DNAJC13: variants seen among roughly 807,000 people sequenced by gnomAD.
DNAJC13 encodes the protein dnaJ homolog subfamily C member 13.
A neutral mutation model predicts 290.5 loss-of-function variants in DNAJC13; 75 were observed. The ratio of observed to expected loss-of-function variants is 0.26; its 90% confidence interval spans 0.21 to 0.31. The LOEUF (loss-of-function observed/expected upper bound fraction) is 0.31, where lower values mean the gene tolerates loss of function less well. Among genes scored for constraint, DNAJC13 ranks in the 10% least tolerant of loss-of-function variants. The probability of loss-of-function intolerance (pLI) is 1.00; values close to 1 mark genes in which losing one functional copy is unlikely to be tolerated. For missense variants in DNAJC13, 2,260 were observed against 2,674.5 expected (o/e 0.85, Z 3.42); for synonymous variants, 862 against 892.0 (o/e 0.97, Z 0.60).
At chr3:132,449,758 C>A (rs919004030) in intron 5 of DNAJC13, among the ~76,000 whole-genome samples, 1 of 152,126 alleles carries the variant, frequency 6.6e-6, no homozygotes, top group East Asian at 1.9e-4. Flanking sequence ...TTGATTTTTA[C>A]ATTAAAAATT....
intron 13 of DNAJC13, chr3:132,458,126 A>C (rs1933675980): frequency 6.6e-6 from 1 of 150,844 alleles, no homozygotes; most frequent in Non-Finnish European, 1.5e-5. Flanking sequence ...TAGGGTAGTC[A>C]CAGGGCTAAA....
At chr3:132,457,006 A>G (rs1000513842) in intron 12 of DNAJC13, among the ~76,000 whole-genome samples, 174 bp downstream of exon 12, 10 of 152,202 alleles carry the variant, frequency 6.6e-5, no homozygotes, top group African/African-American at 1.9e-4. Flanking sequence ...GAAGCGGAAT[A>G]TTGGTCCCAT....
chr3:132,515,115 T>C (rs1219637889), intron 46 of DNAJC13, among the ~76,000 whole-genome samples: 1 of 152,194 alleles, frequency 6.6e-6, no homozygotes, highest in Admixed American at 6.5e-5. Flanking sequence ...AAAAAATATA[T>C]CAACCTTATT....
chr3:132,457,817 G>C (rs1274489492), intron 13 of DNAJC13: 1 of 154,568 alleles, frequency 6.5e-6, no homozygotes, highest in Non-Finnish European at 1.4e-5. Flanking sequence ...ATATAAAAAG[G>C]CATGTTTGGA....
chr3:132,514,768 A>T (rs528090576), intron 46 of DNAJC13, 98 bp downstream of exon 46: 15 of 829,264 alleles, frequency 1.8e-5, no homozygotes, highest in Non-Finnish European at 2.8e-5. Context: ...AATGTCATCT[A>T]TGTTTAGTTT....
At chr3:132,434,849 TAAAAG>T (rs2107650081) in intron 2 of DNAJC13, among the ~76,000 whole-genome samples, 1 of 152,310 alleles carries the variant, frequency 6.6e-6, no homozygotes, top group East Asian at 1.9e-4. Context: ...AAGTGACAGT[TAAAAG>T]GAAAGTAAAC....
At chr3:132,439,117 C>A (rs1258515303) in intron 2 of DNAJC13, among the ~76,000 whole-genome samples, 2 of 152,140 alleles carry the variant, frequency 1.3e-5, no homozygotes, top group Non-Finnish European at 2.9e-5. Context: ...ATATTGCATA[C>A]ATTAATTGTA....
At chr3:132,430,366 G>A (rs1161578585) in intron 1 of DNAJC13, among the ~76,000 whole-genome samples, 1 of 151,846 alleles carries the variant, frequency 6.6e-6, no homozygotes, top group South Asian at 2.1e-4. Context: ...GTTATTATGA[G>A]ATTATTTTGT....
At chr3:132,490,858 A>G (rs768691771) in intron 31 of DNAJC13, 39 bp from the exon 32 acceptor site, 20 of 1,458,832 alleles carry the variant, frequency 1.4e-5, no homozygotes, top group Non-Finnish European at 1.7e-5. Context: ...AGTTAACTTT[A>G]GTGTTTTTGA....
At chr3:132,510,981 C>T (rs979922228) in intron 43 of DNAJC13, 86 bp from the exon 44 acceptor site, 1 of 1,438,322 alleles carries the variant, frequency 7.0e-7, no homozygotes, top group Non-Finnish European at 9.5e-7. Context: ...GTTTTATTCA[C>T]TTTCATAGCT....
chr3:132,467,802 A>T (rs563885652), intron 20 of DNAJC13, among the ~76,000 whole-genome samples: 1 of 151,650 alleles, frequency 6.6e-6, no homozygotes, highest in East Asian at 1.9e-4. Flanking sequence ...TTTTGTATAC[A>T]TTTTCCTTAG....
chr3:132,429,735 G>A (rs1939193465), intron 1 of DNAJC13, among the ~76,000 whole-genome samples: 1 of 152,124 alleles, frequency 6.6e-6, no homozygotes, highest in Non-Finnish European at 1.5e-5. Flanking sequence ...CACTATTTCT[G>A]GGGTTGACTT....
chr3:132,446,614 G>A (rs1933250817), intron 3 of DNAJC13, 64 bp downstream of exon 3: 2 of 1,115,982 alleles, frequency 1.8e-6, no homozygotes, highest in Admixed American at 2.3e-5. Flanking sequence ...AAGCCAGGCT[G>A]TGACCATTAC....
chr3:132,444,046 T>G (rs988892231), intron 2 of DNAJC13, among the ~76,000 whole-genome samples: 1 of 152,234 alleles, frequency 6.6e-6, no homozygotes, highest in Non-Finnish European at 1.5e-5. Flanking sequence ...CCCAGGTTTT[T>G]GGCCTCTTAA....
At chr3:132,499,041 T>C in intron 36 of DNAJC13, 85 bp from the exon 37 acceptor site, 1 of 1,264,424 alleles carries the variant, frequency 7.9e-7, no homozygotes, top group South Asian at 1.5e-5. Context: ...TAAGGCAACA[T>C]ATTCTTGAAC....
At position 132,463,713 on chromosome 3, in the gene DNAJC13, T is replaced by G; in HGVS notation, c.1788T>G (p.Ile596Met). Residue 596 changes from isoleucine to methionine, a missense_variant, in exon 17 of 56, where the codon ATT becomes ATG. Ile to Met is a conservative substitution (Grantham distance 10, BLOSUM62 1). Coordinates refer to ENST00000260818, the MANE Select transcript of DNAJC13 (RefSeq NM_015268.4). ...TTCCAAAGGAAGGTGATAAAGAAAT[T>G]GCTACAAAAATGCAGGAGCTTGCCC... ...KAIIEEGDKE[I>M]ATKMQELALS... 6.2e-7 allele frequency: 1 copy of G among 1,612,930 alleles called. No homozygotes were observed. Among genetic ancestry groups the G allele is most frequent in the Non-Finnish European group, 8.5e-7 (1 of 1,179,228 alleles).
chr3:132,421,316 C>T (rs766037790), intron 1 of DNAJC13, among the ~76,000 whole-genome samples: 2 of 152,134 alleles, frequency 1.3e-5, no homozygotes, highest in African/African-American at 4.8e-5. Flanking sequence ...ATACACCAAT[C>T]CTGTTAAAAT....
intron 1 of DNAJC13, among the ~76,000 whole-genome samples, chr3:132,425,436 C>A (rs1559863127): frequency 6.6e-6 from 1 of 152,132 alleles, no homozygotes; most frequent in Non-Finnish European, 1.5e-5. Context: ...ACATTAGATA[C>A]CCACATGCCC....
At chr3:132,487,093 G>A (rs77624716) in intron 29 of DNAJC13, among the ~76,000 whole-genome samples, 1,677 of 152,024 alleles carry the variant, frequency 0.011, 37 homozygotes, top group African/African-American at 0.038. Flanking sequence ...AGTATGAAAC[G>A]CTTAATCTAA....
Sources: allele counts gnomAD v4.1 joint callset (sites outside exome capture counted in the v4.1 genomes callset), GRCh38; gene constraint gnomAD v4.1.1; transcripts MANE v1.5; gene names NCBI Gene and HGNC (gene_info 2026-07-23, HGNC 2026-07-21).